Variants in GSE1 observed in about 807,000 individuals in gnomAD.
GSE1 encodes genetic suppressor element 1.
Under a neutral mutation model 112.6 loss-of-function variants are expected in GSE1, and 32 were observed. That is an observed-to-expected ratio of 0.28 (90% CI 0.21 to 0.38). The LOEUF (loss-of-function observed/expected upper bound fraction) is 0.38. Among genes scored for constraint, GSE1 ranks in the 10% least tolerant of loss-of-function variants. GSE1 has a pLI of 1.00. For synonymous variants in GSE1, 1,115 were observed against 735.6 expected (o/e 1.52, Z -8.35); for missense variants, 2,348 against 1,699.2 (o/e 1.38, Z -6.71).
intron 1 of GSE1, among the ~76,000 whole-genome samples, chr16:85,624,848 G>A (rs1198652793): frequency 1.3e-5 from 2 of 152,242 alleles, no homozygotes; most frequent in Non-Finnish European, 2.9e-5. Context: ...GGTGGCGGAG[G>A]GGCTGGGAAT....
In GSE1 at chr16:85,666,196, G is replaced by C; in HGVS notation, c.2979G>C (p.Arg993=). The C allele has an allele frequency of 6.2e-7, 1 of 1,613,580 alleles. No homozygotes were observed. Among genetic ancestry groups the C allele is most frequent in the Non-Finnish European group, 8.5e-7 (1 of 1,180,038 alleles). Residue 993 remains arginine (R), a synonymous_variant, in exon 13 of 16, where the codon CGG becomes CGC. Transcript: ENST00000253458. ...KKSLSMLHYI[R]GAAPKDIPVP... ...GTCTGAGCATGCTTCACTATATCCGGGGCGCTGCACCCAAGGACATTCCTG... is the reference window on the plus strand; with the variant it reads ...GTCTGAGCATGCTTCACTATATCCGCGGCGCTGCACCCAAGGACATTCCTG...
At chr16:85,310,998 T>C (rs1357148508) in intron 1 of GSE1, among the ~76,000 whole-genome samples, 2 of 152,188 alleles carry the variant, frequency 1.3e-5, no homozygotes, top group African/African-American at 4.8e-5. Context: ...CAGGAGCAGT[T>C]TGAGGCTAAA....
intron 1 of GSE1, among the ~76,000 whole-genome samples, chr16:85,572,536 A>G (rs2046052063): frequency 6.6e-6 from 1 of 151,678 alleles, no homozygotes; most frequent in Non-Finnish European, 1.5e-5. Flanking sequence ...ACACACATAC[A>G]CGTGCACACA....
chr16:85,481,003 C>A (rs561659648), intron 2 of GSE1, among the ~76,000 whole-genome samples: 2 of 152,352 alleles, frequency 1.3e-5, no homozygotes, highest in East Asian at 3.9e-4. Context: ...GCTCTGATTT[C>A]AGTTTTATTT....
intron 2 of GSE1, among the ~76,000 whole-genome samples, chr16:85,376,301 G>A (rs564881351): frequency 3.9e-5 from 6 of 152,334 alleles, no homozygotes; most frequent in Non-Finnish European, 8.8e-5. Context: ...CGAGGAGCTC[G>A]ACCTCGGTTA....
intron 1 of GSE1, among the ~76,000 whole-genome samples, chr16:85,305,327 G>A (rs572755622): frequency 1.1e-4 from 17 of 152,272 alleles, no homozygotes; most frequent in South Asian, 2.1e-4. Flanking sequence ...CTCTGTTGCC[G>A]AGGCTGGAGT....
intron 1 of GSE1, among the ~76,000 whole-genome samples, chr16:85,191,323 A>T (rs1033707522): frequency 4.6e-5 from 7 of 152,342 alleles, no homozygotes; most frequent in East Asian, 1.9e-4. Flanking sequence ...CAGCTTTATT[A>T]TATAATTTGC....
At chr16:85,350,379 TGG>T (rs34983113) in intron 1 of GSE1, among the ~76,000 whole-genome samples, 1 of 152,094 alleles carries the variant, frequency 6.6e-6, no homozygotes, top group Non-Finnish European at 1.5e-5. Flanking sequence ...TCAGGAAAAG[TGG>T]GTGAGCCCTG....
intron 1 of GSE1, among the ~76,000 whole-genome samples, chr16:85,577,108 C>A (rs977772439): frequency 6.6e-6 from 1 of 151,710 alleles, no homozygotes; most frequent in Non-Finnish European, 1.5e-5. Flanking sequence ...CCCGGGCACC[C>A]GGCCAGGGGC....
chr16:85,282,247 G>C (rs1184385423), intron 1 of GSE1, among the ~76,000 whole-genome samples: 1 of 152,082 alleles, frequency 6.6e-6, no homozygotes, highest in Non-Finnish European at 1.5e-5. Flanking sequence ...AGGAGGGTCT[G>C]GATCTCTTGA....
At chr16:85,386,641 C>T (rs1287086996) in intron 2 of GSE1, among the ~76,000 whole-genome samples, 3 of 152,208 alleles carry the variant, frequency 2.0e-5, no homozygotes, top group African/African-American at 7.2e-5. Flanking sequence ...TCTGGGCCTC[C>T]CTCAGTTTTG....
intron 2 of GSE1, among the ~76,000 whole-genome samples, chr16:85,507,933 C>T (rs189061981): frequency 6.6e-5 from 10 of 152,284 alleles, no homozygotes; most frequent in Admixed American, 2.0e-4. Flanking sequence ...CTGAGCTCAC[C>T]ATGTAATGGG....
At chr16:85,506,525 G>A (rs13338792) in intron 2 of GSE1, among the ~76,000 whole-genome samples, 2 of 152,120 alleles carry the variant, frequency 1.3e-5, no homozygotes, top group South Asian at 2.1e-4. Flanking sequence ...GCCCGCTGAC[G>A]ATCAGGGGAG....
chr16:85,401,052 C>T (rs554764771), intron 2 of GSE1, among the ~76,000 whole-genome samples: 17 of 152,248 alleles, frequency 1.1e-4, no homozygotes, highest in African/African-American at 3.1e-4. Flanking sequence ...AAGACCTCCG[C>T]GTGGAGGCCA....
intron 14 of GSE1, among the ~76,000 whole-genome samples, chr16:85,669,713 C>G (rs531716545): frequency 5.3e-5 from 8 of 152,252 alleles, no homozygotes; most frequent in African/African-American, 1.9e-4. Flanking sequence ...GGCTATTCTT[C>G]TGTATTTTCT....
At chr16:85,545,497 G>C (rs975833349) in intron 2 of GSE1, among the ~76,000 whole-genome samples, 1 of 152,142 alleles carries the variant, frequency 6.6e-6, no homozygotes, top group Non-Finnish European at 1.5e-5. Context: ...AGAGATGAGA[G>C]AGTTGAAAAT....
rs148185704 is a variant in GSE1 at position 85,240,847 on chromosome 16, A to G, written c.2283+69040A>G. Among the ~76,000 whole-genome samples, 587 of 152,284 alleles carry G rather than the reference A, an allele frequency of 3.9e-3. 3 individuals carry two copies. Among genetic ancestry groups the G allele is most frequent in the Admixed American group, 0.01 (154 of 15,302 alleles). On this transcript the variant is annotated intron_variant, in intron 1 of 2. Coordinates refer to the GSE1 transcript ENST00000637419. Reference sequence around the variant, plus strand: ...GGTCCCAGGTAATTATGATTCCAGCACAGTCGGGGAGCAGAGAGGCTGGAC... The same window carrying G: ...GGTCCCAGGTAATTATGATTCCAGCGCAGTCGGGGAGCAGAGAGGCTGGAC...
At chr16:85,657,142 T>C in intron 7 of GSE1, 135 bp from the exon 8 acceptor site, 1 of 593,330 alleles carries the variant, frequency 1.7e-6, no homozygotes, top group African/African-American at 1.9e-5. Context: ...CCCTTCTGAA[T>C]ATCTTGGTTC....
chr16:85,597,373 C>CAAAAAA (rs1165062872), intron 1 of GSE1, among the ~76,000 whole-genome samples: 118 of 31,360 alleles, frequency 3.8e-3, no homozygotes, highest in Non-Finnish European at 5.1e-3. Context: ...GACTCTGTCT[C>CAAAAAA]AAAAAAAAAA....
Sources: gnomAD v4.1 joint callset for allele counts (sites outside exome capture counted in the v4.1 genomes callset) on GRCh38, gnomAD v4.1.1 for gene constraint, MANE v1.5 for transcripts, NCBI Gene and HGNC (gene_info 2026-07-23, HGNC 2026-07-21) for gene names.